NCAM1: variants seen among roughly 807,000 people sequenced by gnomAD.
NCAM1 encodes the protein neural cell adhesion molecule 1.
Under a neutral mutation model 109.8 loss-of-function variants are expected in NCAM1, and 14 were observed. The observed-to-expected ratio is 0.13, with a 90% CI of 0.08 to 0.20. NCAM1 has a LOEUF of 0.20. NCAM1 is among the 10% of genes least tolerant of loss of function. NCAM1 has a pLI of 1.00. For missense variants in NCAM1, 774 were observed against 1,109.9 expected, an observed-to-expected ratio of 0.70 and a Z score of 4.30; for synonymous variants, 418 against 442.9, an observed-to-expected ratio of 0.94 and a Z score of 0.70.
chr11:113,232,397 T>C (rs1555117448), intron 11 of NCAM1, 43 bp downstream of exon 11: 1 of 1,551,674 alleles, frequency 6.4e-7, no homozygotes, highest in East Asian at 2.2e-5. Flanking sequence ...AAAGCACAGT[T>C]TGACTCTAGG....
At chr11:113,083,027 C>G (rs1271396268) in intron 1 of NCAM1, among the ~76,000 whole-genome samples, 2 of 150,288 alleles carry the variant, frequency 1.3e-5, no homozygotes, top group African/African-American at 4.9e-5. Context: ...CACCTAGGAG[C>G]TCCCAAAACA....
chr11:113,057,283 A>G (rs1953746033), intron 1 of NCAM1, among the ~76,000 whole-genome samples: 1 of 152,090 alleles, frequency 6.6e-6, no homozygotes, highest in Non-Finnish European at 1.5e-5. Flanking sequence ...AGAGGGGACA[A>G]CATTGGCAAA....
intron 1 of NCAM1, among the ~76,000 whole-genome samples, chr11:112,985,856 C>G (rs1555069547): frequency 6.6e-6 from 1 of 151,850 alleles, no homozygotes; most frequent in East Asian, 1.9e-4. Flanking sequence ...CAAATAGTAA[C>G]AGTTTAACTT....
rs781819237 is a variant in NCAM1 at position 113,275,349 on chromosome 11, G to T, written c.2539G>T (p.Asp847Tyr). ...AGCCGAAGTCAAGACGGTCCCCAAT[G>T]ACGCCACACAGACAAAGGAGAACGA... ...APAEVKTVPN[D>Y]ATQTKENESK... Residue 847 changes from aspartate (D) to tyrosine (Y), a missense_variant, in exon 20 of 20, where the codon GAC (aspartate) becomes TAC (tyrosine). Asp to Tyr is a radical substitution (Grantham distance 160, BLOSUM62 -3). This residue lies in a region of NCAM1 where 122 missense variants were observed against 129.7 expected (regional missense o/e 0.94). Transcript: ENST00000316851. The T allele has an allele frequency of 1.2e-6, 2 of 1,613,536 alleles. No homozygotes were observed. The highest frequency in any genetic ancestry group is 1.7e-6 in the Non-Finnish European group (2 of 1,179,712).
chr11:113,242,726 A>T, intron 14 of NCAM1: 1 of 1,248,578 alleles, frequency 8.0e-7, no homozygotes. Flanking sequence ...GTATGTATAC[A>T]TATATAGCTA....
chr11:113,098,684 G>A (rs76656792), intron 1 of NCAM1, among the ~76,000 whole-genome samples: 2 of 152,260 alleles, frequency 1.3e-5, no homozygotes, highest in Non-Finnish European at 2.9e-5. Context: ...TCCTTGAGGA[G>A]GGACATTAAA....
intron 1 of NCAM1, among the ~76,000 whole-genome samples, chr11:113,175,968 AATCATCGC>A (rs1943132121): frequency 6.6e-6 from 1 of 152,190 alleles, no homozygotes; most frequent in African/African-American, 2.4e-5. Context: ...GAATGTATGA[AATCATCGC>A]ATGTACTCCC....
At chr11:113,168,882 A>G (rs1044421410) in intron 1 of NCAM1, among the ~76,000 whole-genome samples, 4 of 152,170 alleles carry the variant, frequency 2.6e-5, no homozygotes, top group African/African-American at 4.8e-5. Context: ...AACCAATTCT[A>G]TAGAAAAACG....
At chr11:112,980,208 G>C (rs1267343222) in intron 1 of NCAM1, among the ~76,000 whole-genome samples, 1 of 151,832 alleles carries the variant, frequency 6.6e-6, no homozygotes, top group East Asian at 1.9e-4. Context: ...TATTAATAAT[G>C]TTGTGGAAAA....
intron 1 of NCAM1, among the ~76,000 whole-genome samples, chr11:113,121,225 CTTTTT>C (rs3051885): frequency 8.0e-6 from 1 of 125,340 alleles, no homozygotes; most frequent in African/African-American, 3.1e-5. Context: ...CAACACCAAT[CTTTTT>C]TTTTTTTTTT....
chr11:113,183,068 C>A lies in NCAM1; in HGVS notation c.53-19311C>A, dbSNP rs1480437799. The stretch of plus-strand genomic sequence containing the variant: ...TGTTCAAAATCAGTTAGTCCAACCC[C>A]TTCCTTTCTAAATGAGCGAGCTGAG... On this transcript the variant is annotated intron_variant, in intron 1 of 19. Coordinates refer to ENST00000316851, the MANE Select transcript of NCAM1 (RefSeq NM_181351.5). Among the ~76,000 whole-genome samples, 4 of 152,286 alleles carry A rather than the reference C, an allele frequency of 2.6e-5. No individual in the cohort carries two copies. In the East Asian group the frequency reaches 7.7e-4, roughly 29 times the overall value.
intron 1 of NCAM1, among the ~76,000 whole-genome samples, chr11:113,014,002 T>C (rs1952143700): frequency 6.6e-6 from 1 of 152,190 alleles, no homozygotes; most frequent in African/African-American, 2.4e-5. Flanking sequence ...GTCTAGATTT[T>C]TTTTTCCTTG....
intron 1 of NCAM1, among the ~76,000 whole-genome samples, chr11:113,118,185 C>T (rs1940791936): frequency 1.3e-5 from 2 of 151,570 alleles, no homozygotes; most frequent in South Asian, 4.2e-4. Context: ...TATCTAGGTA[C>T]TTAGAATCTA....
At chr11:113,091,501 T>C (rs1555089370) in intron 1 of NCAM1, among the ~76,000 whole-genome samples, 2 of 152,126 alleles carry the variant, frequency 1.3e-5, no homozygotes, top group Non-Finnish European at 2.9e-5. Flanking sequence ...CATGAGAGGG[T>C]AAGAAGGCTA....
At chr11:113,225,598 C>T (rs1944819543) in intron 9 of NCAM1, among the ~76,000 whole-genome samples, 1 of 151,218 alleles carries the variant, frequency 6.6e-6, no homozygotes, top group Admixed American at 6.6e-5. Context: ...AAAGATACTC[C>T]TTGAGAAGGA....
intron 1 of NCAM1, among the ~76,000 whole-genome samples, chr11:112,966,000 C>T (rs1555065247): frequency 6.6e-6 from 1 of 152,172 alleles, no homozygotes; most frequent in African/African-American, 2.4e-5. Context: ...TAAAGGCTCT[C>T]CTGCACCAGT....
rs535682548 is a variant in NCAM1 at position 113,195,648 on chromosome 11, G to A, written c.53-6731G>A. Among the ~76,000 whole-genome samples, 93 of 151,614 alleles carry A rather than the reference G, an allele frequency of 6.1e-4. 1 individual carries two copies. Among genetic ancestry groups the A allele is most frequent in the South Asian group, 1.1e-3 (5 of 4,756 alleles). On this transcript the variant is annotated intron_variant, in intron 1 of 19. Transcript: ENST00000316851. ...CTCCTGAGTAGCTGGGACCACAGGC[G>A]CCCACCACCACACCCAGCTAATTTG...
chr11:113,156,025 A>C (rs996099825), intron 1 of NCAM1, among the ~76,000 whole-genome samples: 8 of 152,180 alleles, frequency 5.3e-5, no homozygotes, highest in Admixed American at 6.5e-5. Flanking sequence ...CTGGTTCTGG[A>C]GTCTGAGCAA....
intron 1 of NCAM1, among the ~76,000 whole-genome samples, chr11:113,175,377 T>G (rs1943115282): frequency 6.6e-6 from 1 of 152,210 alleles, no homozygotes; most frequent in Admixed American, 6.5e-5. Context: ...GCAGTTGAAT[T>G]GGGTACATCC....
Sources: allele counts gnomAD v4.1 joint callset (sites outside exome capture counted in the v4.1 genomes callset), GRCh38; gene constraint gnomAD v4.1.1; regional missense constraint gnomAD v4.1.1; transcripts MANE v1.5; gene names NCBI Gene and HGNC (gene_info 2026-07-23, HGNC 2026-07-21).